Variants in FNDC8 observed in about 807,000 individuals in gnomAD.
The protein encoded by FNDC8 is fibronectin type III domain-containing protein 8.
FNDC8 carries 23 observed loss-of-function variants against 24.8 expected under a neutral mutation model. The observed-to-expected ratio is 0.93, with a 90% CI of 0.67 to 1.31. The LOEUF (loss-of-function observed/expected upper bound fraction) is 1.31. FNDC8 is among the 40% of genes most tolerant of loss of function. The pLI is 0.00. For synonymous variants in FNDC8, 158 were observed against 165.3 expected, an observed-to-expected ratio of 0.96 and a Z score of 0.34; for missense variants, 371 against 398.2, an observed-to-expected ratio of 0.93 and a Z score of 0.58.
chr17:35,124,301 G>A (rs1471507344), intron 1 of FNDC8, among the ~76,000 whole-genome samples: 2 of 151,900 alleles, frequency 1.3e-5, no homozygotes, highest in Non-Finnish European at 2.9e-5. Flanking sequence ...AGGCCAAGGC[G>A]GGCAGACCAC....
intron 3 of FNDC8, chr17:35,129,963 A>G: frequency 7.3e-7 from 1 of 1,370,540 alleles, no homozygotes; most frequent in Non-Finnish European, 9.4e-7. Flanking sequence ...TAGGCTGGGA[A>G]GTCAAGGGCA....
chr17:35,124,701 G>T (rs1012513651), intron 1 of FNDC8, among the ~76,000 whole-genome samples: 4 of 152,110 alleles, frequency 2.6e-5, no homozygotes, highest in Non-Finnish European at 5.9e-5. Flanking sequence ...GGTAAAAAAA[G>T]ATTTGAAAGC....
chr17:35,126,835 T>G (rs575730735), intron 1 of FNDC8, among the ~76,000 whole-genome samples: 1 of 152,312 alleles, frequency 6.6e-6, no homozygotes, highest in South Asian at 2.1e-4. Flanking sequence ...TCTAGTCCCA[T>G]GCTAACTGGG....
chr17:35,126,242 T>G (rs1158140762), intron 1 of FNDC8, among the ~76,000 whole-genome samples: 1 of 152,158 alleles, frequency 6.6e-6, no homozygotes, highest in African/African-American at 2.4e-5. Context: ...TTTGTATTTC[T>G]GTTAATTTTA....
intron 1 of FNDC8, among the ~76,000 whole-genome samples, chr17:35,123,383 T>A (rs1207319334): frequency 2.6e-5 from 4 of 152,172 alleles, no homozygotes; most frequent in Non-Finnish European, 5.9e-5. Context: ...AATCTTGGAC[T>A]AGAAGCCCAA....
intron 1 of FNDC8, among the ~76,000 whole-genome samples, chr17:35,123,182 G>A (rs1299323743): frequency 6.6e-6 from 1 of 152,176 alleles, no homozygotes; most frequent in Non-Finnish European, 1.5e-5. Flanking sequence ...ATGCTTTTCT[G>A]TTACTATCTT....
Position 35,127,190 on chromosome 17 carries a change from A to G in FNDC8, c.358A>G (p.Lys120Glu), listed in dbSNP as rs1597883604. The part of the protein sequence containing the change: ...FAGMLEGELN[K>E]LSFSPMAKNA... ...AGGGATGCTGGAGGGGGAGCTGAAC[A>G]AACTCAGCTTCTCCCCAATGGCCAA... Residue 120 changes from lysine to glutamate, a missense_variant, in exon 2 of 4, where the codon AAA (lysine) becomes GAA (glutamate). By Grantham distance (56) the Lys-to-Glu change is moderately conservative. Coordinates refer to ENST00000158009, the MANE Select transcript of FNDC8 (RefSeq NM_017559.4). The G allele has an allele frequency of 8.7e-6, 14 of 1,614,092 alleles. No individual in the cohort carries two copies. In the East Asian group the frequency reaches 3.1e-4, roughly 36 times the overall value.
rs1555571324 is a variant in FNDC8, at chr17:35,126,497, C to CATTTTTTT, written c.210-545_210-544insATTTTTTT. On this transcript the variant is annotated intron_variant, in intron 1 of 3. Transcript: ENST00000158009. Reference sequence around the variant, plus strand: ...AACACTTGCATCAGGATTTTCTAAGCTTTTTTTTTTTTTTTTTTTTTTTGA... The same window carrying CATTTTTTT: ...AACACTTGCATCAGGATTTTCTAAGCATTTTTTTTTTTTTTTTTTTTTTTTTTTTTTGA... Among the ~76,000 whole-genome samples, 11 of 112,046 alleles carry CATTTTTTT rather than the reference C, an allele frequency of 9.8e-5. 1 individual carries two copies. The highest frequency in any genetic ancestry group is 1.1e-4 in the African/African-American group (3 of 28,552). The allele number at this position is 112,046 out of a possible 152,430, so 73.5% of individuals were successfully genotyped here.
At chr17:35,130,003 A>G in intron 3 of FNDC8, 3 of 1,382,732 alleles carry the variant, frequency 2.2e-6, no homozygotes, top group Non-Finnish European at 2.8e-6. Flanking sequence ...CAAGAGGCTA[A>G]AGGGGGACGA....
intron 1 of FNDC8, among the ~76,000 whole-genome samples, chr17:35,123,099 A>G (rs186986870): frequency 1.8e-3 from 281 of 152,262 alleles, no homozygotes; most frequent in Middle Eastern, 0.014. Context: ...CTTGCAGGTC[A>G]CCCACCACAT....
Position 35,130,581 on chromosome 17 carries a change from G to A in FNDC8, c.*147G>A. ...TATGGGCACCCCACCCCTGGGCTGGGGCCAAGGCTACATAGGGGCCCCATT... is the reference window on the plus strand; with the variant it reads ...TATGGGCACCCCACCCCTGGGCTGGAGCCAAGGCTACATAGGGGCCCCATT... On this transcript the variant is annotated 3_prime_UTR_variant, in exon 4 of 4. Coordinates refer to ENST00000158009, the MANE Select transcript of FNDC8 (RefSeq NM_017559.4). 1 of 853,128 alleles carries A rather than the reference G, an allele frequency of 1.2e-6. No individual in the cohort carries two copies. The highest frequency in any genetic ancestry group is 1.8e-6 in the Non-Finnish European group (1 of 568,844). 52.8% of individuals were successfully genotyped at this position (853,128 alleles called of 1,614,324 possible).
At chr17:35,125,634 A>G (rs1281214290) in intron 1 of FNDC8, among the ~76,000 whole-genome samples, 1 of 152,210 alleles carries the variant, frequency 6.6e-6, no homozygotes, top group Non-Finnish European at 1.5e-5. Context: ...TAACATAAAT[A>G]TGTAAGAAAC....
At position 35,129,270 on chromosome 17, in the gene FNDC8, T is replaced by G. The variant is rs1278056903; in HGVS notation, c.586-152T>G. ...TTCGGGGCAGGGGTTCCACACTCAG[T>G]GCTGCAGTACCTTGCACCTTCCATC... On this transcript the variant is annotated intron_variant, in intron 2 of 3. Coordinates refer to ENST00000158009, the MANE Select transcript of FNDC8 (RefSeq NM_017559.4). 3.2e-6 allele frequency: 3 copies of G among 949,166 alleles called. No homozygotes were observed. In the Admixed American group the frequency reaches 6.8e-5, roughly 21 times the overall value. The allele number at this position is 949,166 out of a possible 1,614,324, so 58.8% of individuals were successfully genotyped here. A position where few individuals can be genotyped will look rare whatever the true frequency, so the allele number is the denominator to read the frequency against.
In FNDC8 at chr17:35,129,402, G is replaced by A. The variant is rs375461859; in HGVS notation, c.586-20G>A. 1.6e-5 allele frequency: 25 copies of A among 1,610,466 alleles called. No homozygotes were observed. Among genetic ancestry groups the A allele is most frequent in the Middle Eastern group, 1.7e-4 (1 of 6,044 alleles). ...GACAGGACATATCTGAGGAAGCCTC[G>A]GGGCTCTCTCTTCCCCTAGATTTCC... On this transcript the variant is annotated intron_variant, in intron 2 of 3. Transcript: ENST00000158009.
At chr17:35,127,506 C>CCTG in intron 2 of FNDC8, 89 bp downstream of exon 2, 1 of 1,406,528 alleles carries the variant, frequency 7.1e-7, no homozygotes. Context: ...GTGCCTGCCA[C>CCTG]CTGCATGTCG....
chr17:35,130,693 G>T lies in FNDC8; in HGVS notation c.*259G>T, dbSNP rs537034405. On this transcript the variant is annotated 3_prime_UTR_variant, in exon 4 of 4. Coordinates refer to ENST00000158009, the MANE Select transcript of FNDC8 (RefSeq NM_017559.4). ...TCCCTCCTCCTCCAAATCTGGGCTG[G>T]GTCTAGGTCCCTCATTAAAGAACTG... 6.4e-6 allele frequency: 3 copies of T among 468,722 alleles called. No individual in the cohort carries two copies. The highest frequency in any genetic ancestry group is 5.8e-5 in the African/African-American group (3 of 51,470). The allele number at this position is 468,722 out of a possible 1,614,324, so 29.0% of individuals were successfully genotyped here.
In FNDC8 at chr17:35,127,415, G is replaced by A; in HGVS notation, c.583G>A (p.Val195Met). 1.9e-6 allele frequency: 3 copies of A among 1,542,784 alleles called. No individual in the cohort carries two copies. The highest frequency in any genetic ancestry group is 2.6e-6 in the Non-Finnish European group (3 of 1,144,384). The change falls in exon 2 of 4, where the codon GTG (valine) becomes ATG (methionine). Residue 195 changes from valine to methionine, a missense_variant and splice_region_variant. Val to Met is a conservative substitution (Grantham distance 21). Transcript: ENST00000158009. ...FEHTVNNSTA[V>M]ISWTYALGKQ... is the part of the protein sequence containing the mutation. The stretch of plus-strand genomic sequence containing the variant: ...GCACACCGTCAACAATTCCACAGCT[G>A]TGGTGCGTTTCCCTTGCTCATGCGT...
intron 1 of FNDC8, among the ~76,000 whole-genome samples, chr17:35,126,206 G>C (rs2142491801): frequency 6.6e-6 from 1 of 152,242 alleles, no homozygotes; most frequent in East Asian, 1.9e-4. Context: ...ACAGGTGTGA[G>C]CCACCGCGCC....
At chr17:35,123,215 G>C (rs1411101270) in intron 1 of FNDC8, among the ~76,000 whole-genome samples, 4 of 152,148 alleles carry the variant, frequency 2.6e-5, no homozygotes, top group African/African-American at 9.7e-5. Context: ...TTTTGAATAA[G>C]GGGCTCAGGG....
Sources: allele counts gnomAD v4.1 joint callset (sites outside exome capture counted in the v4.1 genomes callset), GRCh38; gene constraint gnomAD v4.1.1; transcripts MANE v1.5; gene names NCBI Gene and HGNC (gene_info 2026-07-23, HGNC 2026-07-21).